Variants in GNAT2 observed in about 807,000 individuals in gnomAD.
GNAT2 encodes the protein guanine nucleotide-binding protein G(t) subunit alpha-2.
A neutral mutation model predicts 40.9 loss-of-function variants in GNAT2; 32 were observed. The observed-to-expected ratio is 0.78, with a 90% CI of 0.59 to 1.05. The LOEUF is 1.05. Ranked by LOEUF, GNAT2 falls within the 50% of genes least tolerant of loss-of-function variation. The pLI, the probability that GNAT2 is intolerant of heterozygous loss-of-function variation, is 0.00. For missense variants in GNAT2, 355 were observed against 431.5 expected, an observed-to-expected ratio of 0.82 and a Z score of 1.57; for synonymous variants, 141 against 157.2, an observed-to-expected ratio of 0.90 and a Z score of 0.77.
intron 5 of GNAT2, chr1:109,607,464 G>T (rs1403905267): frequency 2.7e-5 from 3 of 110,420 alleles, no homozygotes; most frequent in African/African-American, 1.1e-4. Flanking sequence ...AAAAAAAAAA[G>T]GCAAGAGGAA....
intron 2 of GNAT2, 142 bp downstream of exon 2, chr1:109,612,611 G>T (rs1351923680): frequency 4.2e-6 from 3 of 717,368 alleles, no homozygotes; most frequent in East Asian, 2.6e-5. Context: ...TAGATCTCCT[G>T]ATCCCCTAGC....
At chr1:109,606,462 G>T in intron 5 of GNAT2, 26 bp from the exon 6 acceptor site, 1 of 1,608,994 alleles carries the variant, frequency 6.2e-7, no homozygotes, top group South Asian at 1.1e-5. Context: ...TAGCATCAAT[G>T]ACAAATTTTC....
At chr1:109,608,955 G>A (rs1649706613) in intron 4 of GNAT2, 167 bp from the exon 5 acceptor site, 1 of 691,846 alleles carries the variant, frequency 1.4e-6, no homozygotes, top group South Asian at 1.6e-5. Flanking sequence ...GAATTTTTGA[G>A]TATGCTCCCC....
chr1:109,613,065 A>C, intron 1 of GNAT2, 142 bp from the exon 2 acceptor site: 1 of 649,710 alleles, frequency 1.5e-6, no homozygotes, highest in African/African-American at 1.8e-5. Context: ...GAGACTCCCT[A>C]CTTCAACTGG....
chr1:109,613,002 G>A, intron 1 of GNAT2, 79 bp from the exon 2 acceptor site: 1 of 755,892 alleles, frequency 1.3e-6, no homozygotes, highest in African/African-American at 1.7e-5. Context: ...TGGTCTGTAC[G>A]ATGGCAGGTG....
Position 109,606,451 on chromosome 1 carries a change from T to C in GNAT2, c.462-15A>G. 6.2e-7 allele frequency: 1 copy of C among 1,611,594 alleles called. No homozygotes were observed. Among genetic ancestry groups the C allele is most frequent in the Non-Finnish European group, 8.5e-7 (1 of 1,177,716 alleles). Reference sequence around the variant, plus strand: ...GGTTCAGGTAGCTAGAGAAAAGTGATTAGCATCAATGACAAATTTTCCACA... The same window carrying C: ...GGTTCAGGTAGCTAGAGAAAAGTGACTAGCATCAATGACAAATTTTCCACA... On this transcript the variant is annotated splice_polypyrimidine_tract_variant and intron_variant, in intron 5 of 8. Transcript: ENST00000679935.
Position 109,608,665 on chromosome 1 carries a change from C to A in GNAT2, c.427G>T (p.Ala143Ser). The A allele has an allele frequency of 6.2e-7, 1 of 1,614,120 alleles. No homozygotes were observed. Among genetic ancestry groups the A allele is most frequent in the Non-Finnish European group, 8.5e-7 (1 of 1,179,966 alleles). ...GAGTCATTAAGCTGGTATTCTGCAG[C>A]TCTCTCGAAGCAGGCTTGCACCCCA... ...DGGVQACFER[A>S]AEYQLNDSAS... Residue 143 changes from alanine (A) to serine (S), a missense_variant, in exon 5 of 9, where the codon GCT becomes TCT. By Grantham distance (99) the Ala-to-Ser change is moderately conservative. Transcript: ENST00000679935.
intron 1 of GNAT2, chr1:109,617,435 A>C (rs1386729417): frequency 6.6e-6 from 1 of 152,264 alleles, no homozygotes; most frequent in Non-Finnish European, 1.5e-5. Context: ...GCTCAAAGGC[A>C]ATGAATGTTA....
intron 1 of GNAT2, chr1:109,615,147 C>T (rs1649914150): frequency 6.6e-6 from 1 of 152,176 alleles, no homozygotes; most frequent in East Asian, 1.9e-4. Flanking sequence ...AGTTAATTAT[C>T]ACAATAACTG....
chr1:109,603,388 A>G lies in GNAT2; in HGVS notation c.1031T>C (p.Ile344Thr), dbSNP rs753014058. ...GCCGCAGTCCTTGAGGTTTTCTTTG[A>G]TGATAATATCTGTAACTGCATCAAA... The part of the protein sequence containing the change: ...FVFDAVTDII[I>T]KENLKDCGLF The change falls in exon 9 of 9, where the codon ATC (isoleucine) becomes ACC (threonine). Residue 344 changes from isoleucine (I) to threonine (T), a missense_variant. Coordinates refer to ENST00000679935, the MANE Select transcript of GNAT2 (RefSeq NM_001377295.2). 1.4e-5 allele frequency: 22 copies of G among 1,605,572 alleles called. No individual in the cohort carries two copies. Among genetic ancestry groups the G allele is most frequent in the Non-Finnish European group, 1.9e-5 (22 of 1,172,568 alleles).
rs1288482491 is a variant in GNAT2, at chr1:109,612,772, A to G, written c.99T>C (p.Thr33=). Residue 33 remains threonine (T), a synonymous_variant, in exon 2 of 9, where the codon ACT becomes ACC. Transcript: ENST00000679935. ...ACTCACCCAGCAGTAGCAGCTTGACAGTCTTGGCTTCCTTATCAGCATCCT... is the reference window on the plus strand; with the variant it reads ...ACTCACCCAGCAGTAGCAGCTTGACGGTCTTGGCTTCCTTATCAGCATCCT... ...LQEDADKEAK[T]VKLLLLGAGE... 1 of 1,602,480 alleles carries G rather than the reference A, an allele frequency of 6.2e-7. No homozygotes were observed. The highest frequency in any genetic ancestry group is 1.1e-5 in the South Asian group (1 of 90,850).
rs201588334 is a variant in GNAT2 at position 109,610,063 on chromosome 1, C to T, written c.280G>A (p.Asp94Asn). 61 of 1,614,080 alleles carry T rather than the reference C, an allele frequency of 3.8e-5. No homozygotes were observed. The East Asian group carries it at 8.0e-4, about 21-fold the overall frequency. ...ACCGCACAGCTTGGTTCAGCATAAT[C>T]GATGCCCAGTGTGGTCATGGCCCGG... is the stretch of plus-strand genomic sequence containing the variant. The part of the protein sequence containing the change: ...IIRAMTTLGI[D>N]YAEPSCADDG... The change falls in exon 4 of 9, where the codon GAT (aspartate) becomes AAT (asparagine). Residue 94 changes from aspartate (D) to asparagine (N), a missense_variant. Coordinates refer to ENST00000679935, the MANE Select transcript of GNAT2 (RefSeq NM_001377295.2).
chr1:109,619,442 T>A (rs930497226), intron 1 of GNAT2, 41 bp downstream of exon 1: 14 of 152,294 alleles, frequency 9.2e-5, no homozygotes, highest in African/African-American at 3.4e-4. Context: ...AATACAGAAA[T>A]GTGGGAAGGG....
chr1:109,618,323 A>C (rs1650013688), intron 1 of GNAT2: 1 of 152,230 alleles, frequency 6.6e-6, no homozygotes, highest in Non-Finnish European at 1.5e-5. Flanking sequence ...CTCCAAGAAC[A>C]ATTTTTAATG....
At chr1:109,612,638 G>T in intron 2 of GNAT2, 115 bp downstream of exon 2, 1 of 765,312 alleles carries the variant, frequency 1.3e-6, no homozygotes, top group Non-Finnish European at 2.4e-6. Flanking sequence ...GTGTAGAGGA[G>T]AGGAAAAATG....
chr1:109,603,504 G>A lies in GNAT2; in HGVS notation c.915C>T (p.Ser305=). ...TTCGCATATTGAGGTCAAGGAACTG[G>A]CTCTTTATGTAATTCCCCGCATCAT... The part of the protein sequence containing the change: ...SYDDAGNYIK[S]QFLDLNMRKD... Residue 305 remains serine, a synonymous_variant, in exon 9 of 9, where the codon AGC becomes AGT. Transcript: ENST00000679935. 6.2e-7 allele frequency: 1 copy of A among 1,610,874 alleles called. No homozygotes were observed. Among genetic ancestry groups the A allele is most frequent in the Admixed American group, 1.7e-5 (1 of 60,008 alleles).
At position 109,608,706 on chromosome 1, in the gene GNAT2, C is replaced by A. The variant is rs752549211; in HGVS notation, c.386G>T (p.Arg129Met). ...TTGCACCCCACCATCCTTCCACAAC[C>A]TCCTAATGACCTCCACGAGCTCAGG... ...MPPELVEVIR[R>M]LWKDGGVQAC... Residue 129 changes from arginine (R) to methionine (M), a missense_variant, in exon 5 of 9, where the codon AGG becomes ATG. Transcript: ENST00000679935. 6.2e-7 allele frequency: 1 copy of A among 1,613,990 alleles called. No homozygotes were observed. Among genetic ancestry groups the A allele is most frequent in the South Asian group, 1.1e-5 (1 of 91,082 alleles).
chr1:109,606,352 C>T lies in GNAT2; in HGVS notation c.546G>A (p.Thr182=), dbSNP rs1799875. ...QDVLRSRVKT[T]GIIETKFSVK... Reference sequence around the variant, plus strand: ...CGGAAAACTTGGTTTCAATGATGCCCGTGGTTTTGACTCTGGATCGGAGCA... The same window carrying T: ...CGGAAAACTTGGTTTCAATGATGCCTGTGGTTTTGACTCTGGATCGGAGCA... Residue 182 remains threonine (T), a synonymous_variant, in exon 6 of 9, where the codon ACG becomes ACA. Transcript: ENST00000679935. 0.44 allele frequency: 704,822 copies of T among 1,609,972 alleles called. 162,031 individuals carry two copies. The highest frequency in any genetic ancestry group is 0.66 in the East Asian group (29,634 of 44,840).
At chr1:109,608,458 A>G in intron 5 of GNAT2, 173 bp downstream of exon 5, 1 of 693,490 alleles carries the variant, frequency 1.4e-6, no homozygotes, top group Non-Finnish European at 2.6e-6. Context: ...CATAGCATTA[A>G]ATTCAAAACA....
Sources: allele counts gnomAD v4.1 joint callset, GRCh38; gene constraint gnomAD v4.1.1; transcripts MANE v1.5; gene names NCBI Gene and HGNC (gene_info 2026-07-23, HGNC 2026-07-21).